Variants in CAMKMT observed in about 807,000 individuals in gnomAD.
The protein encoded by CAMKMT is CaM KMT.
Under a neutral mutation model 48.0 loss-of-function variants are expected in CAMKMT, and 53 were observed. The observed-to-expected ratio is 1.10, with a 90% CI of 0.89 to 1.39. CAMKMT has a LOEUF of 1.39. CAMKMT is among the 40% of genes most tolerant of loss of function. The pLI is 0.00. For synonymous variants in CAMKMT, 165 were observed against 152.3 expected, an observed-to-expected ratio of 1.08 and a Z score of -0.61; for missense variants, 428 against 402.7, an observed-to-expected ratio of 1.06 and a Z score of -0.54.
chr2:44,620,895 T>C (rs910048362), intron 3 of CAMKMT, among the ~76,000 whole-genome samples: 3 of 152,214 alleles, frequency 2.0e-5, no homozygotes, highest in Non-Finnish European at 4.4e-5. Flanking sequence ...TTCTCATCTG[T>C]AAAATTATAG....
At chr2:44,683,662 A>T (rs530202629) in intron 3 of CAMKMT, among the ~76,000 whole-genome samples, 2 of 152,098 alleles carry the variant, frequency 1.3e-5, no homozygotes, top group South Asian at 4.2e-4. Context: ...CTACTAAAAA[A>T]ATACAAAAAA....
intron 3 of CAMKMT, among the ~76,000 whole-genome samples, chr2:44,594,208 G>C (rs573240376): frequency 1.8e-4 from 27 of 152,232 alleles, no homozygotes; most frequent in African/African-American, 6.3e-4. Context: ...GATAGGAAGA[G>C]TCAATATTGT....
At chr2:44,578,698 G>T (rs1046402369) in intron 3 of CAMKMT, among the ~76,000 whole-genome samples, 1 of 152,116 alleles carries the variant, frequency 6.6e-6, no homozygotes, top group Non-Finnish European at 1.5e-5. Flanking sequence ...TGTTAAGTTT[G>T]GAATGAGGAG....
intron 10 of CAMKMT, among the ~76,000 whole-genome samples, chr2:44,767,910 A>C (rs1267224117): frequency 6.6e-6 from 1 of 152,094 alleles, no homozygotes; most frequent in Non-Finnish European, 1.5e-5. Flanking sequence ...TAGAACAACA[A>C]ATGCTTTTAG....
intron 2 of CAMKMT, among the ~76,000 whole-genome samples, chr2:44,376,711 G>C (rs1479649851): frequency 1.3e-5 from 2 of 152,244 alleles, no homozygotes; most frequent in East Asian, 3.9e-4. Context: ...ATACCTAGTT[G>C]TATCTTGTTT....
In CAMKMT at chr2:44,409,100, T is replaced by TTGCTAAATAAAGAAA. The variant is rs370838017; in HGVS notation, c.376+18795_376+18796insTGCTAAATAAAGAAA. Among the ~76,000 whole-genome samples, 2 of 3,234 alleles carry TTGCTAAATAAAGAAA rather than the reference T, an allele frequency of 6.2e-4. 1 individual carries two copies. The highest frequency in any genetic ancestry group is 1.2e-3 in the Non-Finnish European group (2 of 1,646). The allele number at this position is 3,234 out of a possible 152,430, so 2.1% of individuals were successfully genotyped here. A position where few individuals can be genotyped will look rare whatever the true frequency, so the allele number is the denominator to read the frequency against. ...CAGCCGATATATATATATATATATA[T>TTGCTAAATAAAGAAA]ATATATATATATATATATATATATA... On this transcript the variant is annotated intron_variant, in intron 3 of 10. Transcript: ENST00000378494.
At chr2:44,464,804 A>G (rs1159149144) in intron 3 of CAMKMT, among the ~76,000 whole-genome samples, 1 of 152,234 alleles carries the variant, frequency 6.6e-6, no homozygotes, top group Non-Finnish European at 1.5e-5. Context: ...ATTTATCATC[A>G]CTAGACCTTC....
At chr2:44,461,104 A>G (rs1667827320) in intron 3 of CAMKMT, among the ~76,000 whole-genome samples, 1 of 152,208 alleles carries the variant, frequency 6.6e-6, no homozygotes, top group African/African-American at 2.4e-5. Flanking sequence ...AGACTCAAAC[A>G]TTAAATATGC....
At chr2:44,531,033 G>A (rs1340920639) in intron 3 of CAMKMT, among the ~76,000 whole-genome samples, 1 of 151,788 alleles carries the variant, frequency 6.6e-6, no homozygotes, top group Non-Finnish European at 1.5e-5. Flanking sequence ...ATTAATATGA[G>A]GAACACAGGC....
At position 44,474,424 on chromosome 2, in the gene CAMKMT, G is replaced by A. The variant is rs138711816; in HGVS notation, c.376+84119G>A. ...ATTGTGCCATTGCACTCCAGCCTGGGTGACAGAGCGAGACTCCGTCTCAAA... is the reference window on the plus strand; with the variant it reads ...ATTGTGCCATTGCACTCCAGCCTGGATGACAGAGCGAGACTCCGTCTCAAA... On this transcript the variant is annotated intron_variant, in intron 3 of 10. Transcript: ENST00000378494. 2.2e-3 allele frequency among the ~76,000 whole-genome samples: 332 copies of A among 149,470 alleles called. 14 individuals are homozygous for A. In the East Asian group the frequency reaches 0.056, roughly 25 times the overall value.
rs577418160 is a variant in CAMKMT, at chr2:44,408,926, G to A, written c.376+18621G>A. On this transcript the variant is annotated intron_variant, in intron 3 of 10. Transcript: ENST00000378494. ...CTGGCTAATATTTGTATTTTTTATAGAGACAGTGTTTTGCCACGTTGCCCA... is the reference window on the plus strand; with the variant it reads ...CTGGCTAATATTTGTATTTTTTATAAAGACAGTGTTTTGCCACGTTGCCCA... Among the ~76,000 whole-genome samples, 7 of 151,584 alleles carry A rather than the reference G, an allele frequency of 4.6e-5. No individual in the cohort carries two copies. In the East Asian group the frequency reaches 1.4e-3, roughly 30 times the overall value.
At chr2:44,404,812 G>C (rs928971017) in intron 3 of CAMKMT, among the ~76,000 whole-genome samples, 1 of 151,864 alleles carries the variant, frequency 6.6e-6, no homozygotes, top group African/African-American at 2.4e-5. Flanking sequence ...CTTTGATTCT[G>C]CTGTTTCTCC....
At chr2:44,768,510 T>C (rs893046596) in intron 10 of CAMKMT, among the ~76,000 whole-genome samples, 5 of 151,990 alleles carry the variant, frequency 3.3e-5, no homozygotes, top group African/African-American at 4.8e-5. Flanking sequence ...TGTGCTCCTT[T>C]GCAGGAGAAG....
chr2:44,464,305 C>A (rs1667999627), intron 3 of CAMKMT, among the ~76,000 whole-genome samples: 1 of 152,086 alleles, frequency 6.6e-6, no homozygotes, highest in Non-Finnish European at 1.5e-5. Context: ...AACAGCAACA[C>A]AAGAATGAAG....
chr2:44,378,737 C>T (rs1679949509), intron 2 of CAMKMT, among the ~76,000 whole-genome samples: 1 of 152,106 alleles, frequency 6.6e-6, no homozygotes, highest in African/African-American at 2.4e-5. Context: ...CATGATCCAC[C>T]CACCTTGGCC....
chr2:44,688,626 A>G (rs1676469068), intron 3 of CAMKMT, among the ~76,000 whole-genome samples: 1 of 152,114 alleles, frequency 6.6e-6, no homozygotes, highest in African/African-American at 2.4e-5. Context: ...CCTACTTACC[A>G]TGTAAATTTG....
At chr2:44,373,346 A>C (rs1353635386) in intron 2 of CAMKMT, among the ~76,000 whole-genome samples, 1 of 152,240 alleles carries the variant, frequency 6.6e-6, no homozygotes, top group Non-Finnish European at 1.5e-5. Context: ...GAGAAAATTC[A>C]ACTGAAAACA....
At chr2:44,527,320 C>T (rs1008112600) in intron 3 of CAMKMT, among the ~76,000 whole-genome samples, 1 of 141,006 alleles carries the variant, frequency 7.1e-6, no homozygotes, top group African/African-American at 2.6e-5. Flanking sequence ...ATATATTATA[C>T]ATATATACAT....
At chr2:44,382,642 C>G (rs1024221587) in intron 2 of CAMKMT, among the ~76,000 whole-genome samples, 7 of 151,972 alleles carry the variant, frequency 4.6e-5, no homozygotes, top group Non-Finnish European at 8.8e-5. Flanking sequence ...CCACGCCCAG[C>G]TAATCTTTTT....
Sources: allele counts gnomAD v4.1 joint callset (sites outside exome capture counted in the v4.1 genomes callset), GRCh38; gene constraint gnomAD v4.1.1; transcripts MANE v1.5; gene names NCBI Gene and HGNC (gene_info 2026-07-23, HGNC 2026-07-21).